Variants in CLDN14 observed in about 807,000 individuals in gnomAD.
CLDN14 encodes the protein claudin 14.
In CLDN14, 2 loss-of-function variants were observed where a neutral mutation model predicts 2.1. The ratio of observed to expected loss-of-function variants is 0.96; its 90% CI spans 0.39 to 3.01. The LOEUF (loss-of-function observed/expected upper bound fraction) is 3.01, where lower values mean the gene tolerates loss of function less well. CLDN14 is among the 30% of genes most tolerant of loss of function. CLDN14 has a pLI of 0.09. For synonymous variants in CLDN14, 136 were observed against 154.4 expected (o/e 0.88, Z 0.88); for missense variants, 298 against 328.0 (o/e 0.91, Z 0.71).
In CLDN14 at chr21:36,461,036, A is replaced by C. The variant is rs1477443355; in HGVS notation, c.660T>G (p.Asn220Lys). ...AYQPPAAYKD[N>K]RAPSVTSATH... is the part of the protein sequence containing the mutation. ...TGGCCGAGGTCACTGAGGGGGCCCG[A>C]TTGTCTTTGTAGGCAGCTGGTGGCT... Residue 220 changes from asparagine (N) to lysine (K), a missense_variant, in exon 2 of 2, where the codon AAT becomes AAG. Physicochemically the swap from Asn to Lys is moderately conservative, Grantham distance 94. Transcript: ENST00000399135. 2 of 1,613,460 alleles carry C rather than the reference A, an allele frequency of 1.2e-6. No homozygotes were observed. Among genetic ancestry groups the C allele is most frequent in the Admixed American group, 3.3e-5 (2 of 59,980 alleles).
At position 36,563,360 on chromosome 21, in the gene CLDN14, C is replaced by T. The variant is rs188718287; in HGVS notation, c.-220+13051G>A. Among the ~76,000 whole-genome samples, 14 of 152,028 alleles carry T rather than the reference C, an allele frequency of 9.2e-5. 1 individual carries two copies. The East Asian group carries it at 2.7e-3, about 29-fold the overall frequency. ...AGGCTACCCAACTGGATATGTTGGC[C>T]TGGTTTCCTTACCGTAGCGCTCTCT... On this transcript the variant is annotated intron_variant, in intron 1 of 2. Coordinates refer to the CLDN14 transcript ENST00000342108.
intron 1 of CLDN14, among the ~76,000 whole-genome samples, chr21:36,576,131 A>T (rs1394382833): frequency 6.6e-6 from 1 of 152,200 alleles, no homozygotes; most frequent in African/African-American, 2.4e-5. Context: ...ACATTCTCTC[A>T]AGCCCAGATA....
chr21:36,465,272 C>T (rs1054701956), intron 1 of CLDN14, among the ~76,000 whole-genome samples: 1 of 152,198 alleles, frequency 6.6e-6, no homozygotes, highest in African/African-American at 2.4e-5. Flanking sequence ...TATACAGACC[C>T]TAAAGAATGT....
At chr21:36,467,229 C>G (rs1368576467) in intron 1 of CLDN14, among the ~76,000 whole-genome samples, 1 of 152,180 alleles carries the variant, frequency 6.6e-6, no homozygotes, top group Non-Finnish European at 1.5e-5. Context: ...GGTTCTGGAG[C>G]ACACAGTAGG....
chr21:36,545,775 A>G (rs1308581733), intron 1 of CLDN14, among the ~76,000 whole-genome samples: 1 of 152,178 alleles, frequency 6.6e-6, no homozygotes, highest in African/African-American at 2.4e-5. Flanking sequence ...TGAGCAGTGT[A>G]GCTTTTCTTC....
intron 1 of CLDN14, among the ~76,000 whole-genome samples, chr21:36,574,844 C>T (rs1424771775): frequency 6.6e-6 from 1 of 151,992 alleles, no homozygotes; most frequent in Admixed American, 6.6e-5. Flanking sequence ...ATTTTACATC[C>T]CTGTTACATT....
At chr21:36,515,150 G>A (rs1345439266) in intron 1 of CLDN14, among the ~76,000 whole-genome samples, 2 of 152,164 alleles carry the variant, frequency 1.3e-5, no homozygotes, top group African/African-American at 4.8e-5. Context: ...CAGTAGGGAG[G>A]TTCTTCCAAA....
intron 1 of CLDN14, among the ~76,000 whole-genome samples, chr21:36,568,672 C>T (rs2087689120): frequency 6.6e-6 from 1 of 152,184 alleles, no homozygotes; most frequent in Non-Finnish European, 1.5e-5. Flanking sequence ...CTACAGTGAG[C>T]CATGATCATG....
intron 1 of CLDN14, among the ~76,000 whole-genome samples, chr21:36,540,259 C>T (rs13049736): frequency 0.48 from 72,539 of 151,570 alleles, 19,369 homozygotes; most frequent in Middle Eastern, 0.62. Flanking sequence ...GGCCAATGTA[C>T]GTCCTCTCAT....
chr21:36,562,560 G>A lies in CLDN14; in HGVS notation c.-220+13851C>T, dbSNP rs568004272. Among the ~76,000 whole-genome samples, 8 of 152,244 alleles carry A rather than the reference G, an allele frequency of 5.3e-5. 1 individual carries two copies. The South Asian group carries it at 8.3e-4, about 16-fold the overall frequency. On this transcript the variant is annotated intron_variant, in intron 1 of 2. Coordinates refer to the CLDN14 transcript ENST00000342108. The stretch of plus-strand genomic sequence containing the variant: ...CCCCACCAAGTCTCCAGAGTTGATC[G>A]CTTCCAACCCATGTGTCATCTTGTG...
chr21:36,489,755 C>T (rs577450543), intron 2 of CLDN14, among the ~76,000 whole-genome samples: 62 of 152,316 alleles, frequency 4.1e-4, no homozygotes, highest in Non-Finnish European at 7.1e-4. Context: ...TGCCAATGAC[C>T]GCGAGGGAGC....
chr21:36,484,062 G>A (rs113251334), upstream of CLDN14, among the ~76,000 whole-genome samples: 309 of 152,264 alleles, frequency 2.0e-3, 1 homozygote, highest in Middle Eastern at 0.01. Context: ...CCCACTGGGC[G>A]GCAGGGACAC....
intron 1 of CLDN14, among the ~76,000 whole-genome samples, chr21:36,537,190 TCAAA>T (rs1487787015): frequency 1.3e-5 from 2 of 151,588 alleles, no homozygotes; most frequent in Admixed American, 6.6e-5. Flanking sequence ...AAACTCCATC[TCAAA>T]CAAACAAACA....
At chr21:36,486,773 T>C in intron 2 of CLDN14, 7 of 817,570 alleles carry the variant, frequency 8.6e-6, no homozygotes, top group Non-Finnish European at 8.4e-6. Flanking sequence ...AAGGCAATGA[T>C]ATGCGTCTTG....
intron 2 of CLDN14, among the ~76,000 whole-genome samples, chr21:36,494,097 C>T (rs545303156): frequency 3.3e-5 from 5 of 152,310 alleles, no homozygotes; most frequent in South Asian, 2.1e-4. Context: ...AGAGCCCACC[C>T]GTGCTGGGTG....
intron 1 of CLDN14, among the ~76,000 whole-genome samples, chr21:36,521,958 A>G (rs570600389): frequency 6.6e-6 from 1 of 152,318 alleles, no homozygotes; most frequent in South Asian, 2.1e-4. Flanking sequence ...TCATGACCTT[A>G]GGTTTTAGAA....
At position 36,551,376 on chromosome 21, in the gene CLDN14, A is replaced by C. The variant is rs1463617749; in HGVS notation, c.-220+25035T>G. On this transcript the variant is annotated intron_variant, in intron 1 of 2. Transcript: ENST00000342108. The surrounding 1 kb of genome is among the most constrained non-coding windows in gnomAD (Gnocchi z 4.8). ...CTCTGCCTCCCGTAAGCTGGCGGGC[A>C]GACCCAGTCCAAACTTGGCACTACC... 6.6e-6 allele frequency among the ~76,000 whole-genome samples: 1 copy of C among 152,204 alleles called. No homozygotes were observed. The highest frequency in any genetic ancestry group is 1.5e-5 in the Non-Finnish European group (1 of 68,026).
At chr21:36,568,216 G>A (rs1380020361) in intron 1 of CLDN14, among the ~76,000 whole-genome samples, 4 of 152,156 alleles carry the variant, frequency 2.6e-5, no homozygotes, top group Admixed American at 1.3e-4. Flanking sequence ...TGGTGGAAAC[G>A]GAGCTGCTAA....
At chr21:36,509,762 A>AT (rs1230889836) in intron 2 of CLDN14, among the ~76,000 whole-genome samples, 1 of 151,934 alleles carries the variant, frequency 6.6e-6, no homozygotes, top group East Asian at 1.9e-4. Context: ...CACCCAGCTA[A>AT]TTTTTGTATT....
Sources: gnomAD v4.1 joint callset for allele counts (sites outside exome capture counted in the v4.1 genomes callset) on GRCh38, gnomAD v4.1.1 for gene constraint, Gnocchi (gnomAD v3.1) non-coding constraint, MANE v1.5 for transcripts, NCBI Gene and HGNC (gene_info 2026-07-23, HGNC 2026-07-21) for gene names.